MYPN: variants seen among roughly 807,000 people sequenced by gnomAD.
The protein encoded by MYPN is sarcomeric protein myopalladin, 145 kDa (MYOP).
A neutral mutation model predicts 129.4 loss-of-function variants in MYPN; 63 were observed. That is an observed-to-expected ratio of 0.49 (90% CI 0.40 to 0.60). The LOEUF (loss-of-function observed/expected upper bound fraction) is 0.60. Ranked by LOEUF, MYPN falls within the 20% of genes least tolerant of loss-of-function variation. The pLI is 0.00. For missense variants in MYPN, 1,596 were observed against 1,635.4 expected (o/e 0.98, Z 0.42); for synonymous variants, 629 against 600.9 (o/e 1.05, Z -0.68).
rs905473578 is a variant in MYPN, at chr10:68,136,405, C to T, written c.903-6535C>T. ...ATTTGGCGTTCTAAAAACATGCCAC[C>T]GGTCAGGGCATTTCTATGAAAGCAT... On this transcript the variant is annotated intron_variant, in intron 2 of 19. Transcript: ENST00000358913. The T allele has an allele frequency of 8.3e-5, 70 of 847,406 alleles. 2 individuals carry two copies. In the Middle Eastern group the frequency reaches 2.2e-3, roughly 27 times the overall value. The allele number at this position is 847,406 out of a possible 1,614,324, so 52.5% of individuals were successfully genotyped here.
At chr10:68,175,274 C>G in intron 11 of MYPN, 49 bp from the exon 12 acceptor site, 1 of 1,609,908 alleles carries the variant, frequency 6.2e-7, no homozygotes. Context: ...GCCTTTTTAC[C>G]CTGGCCAGTG....
In MYPN at chr10:68,122,154, A is replaced by G. The variant is rs1389921120; in HGVS notation, c.716A>G (p.Glu239Gly). 3 of 1,612,422 alleles carry G rather than the reference A, an allele frequency of 1.9e-6. No individual in the cohort carries two copies. Among genetic ancestry groups the G allele is most frequent in the South Asian group, 1.1e-5 (1 of 90,958 alleles). Residue 239 changes from glutamate (E) to glycine (G), a missense_variant, in exon 2 of 20, where the codon GAG becomes GGG. Transcript: ENST00000358913. Reference sequence around the variant, plus strand: ...CAGGAAGCCAAGAGGCGTGAAGCGGAGCAGGCTGCCAGTGAGGCGGCTGGT... The same window carrying G: ...CAGGAAGCCAAGAGGCGTGAAGCGGGGCAGGCTGCCAGTGAGGCGGCTGGT... ...EQQEAKRREA[E>G]QAASEAAGGD...
At chr10:68,159,259 C>G (rs976456023) in intron 7 of MYPN, among the ~76,000 whole-genome samples, 1 of 152,138 alleles carries the variant, frequency 6.6e-6, no homozygotes, top group Admixed American at 6.5e-5. Flanking sequence ...TAAACTAGGT[C>G]TGCCCCAGTT....
exon 1 of MYPN, among the ~76,000 whole-genome samples, chr10:68,087,926 AG>A (rs2041914642): frequency 6.6e-6 from 1 of 152,166 alleles, no homozygotes; most frequent in Non-Finnish European, 1.5e-5. Context: ...AAGTGAGGTG[AG>A]GGGCTGGGAG....
At chr10:68,168,931 G>A (rs1268356961) in intron 10 of MYPN, among the ~76,000 whole-genome samples, 2 of 145,128 alleles carry the variant, frequency 1.4e-5, no homozygotes, top group African/African-American at 5.3e-5. Flanking sequence ...CACAGAGGTT[G>A]CAGTGAACCA....
chr10:68,089,461 C>T (rs2041921056), intron 1 of MYPN, among the ~76,000 whole-genome samples: 1 of 152,120 alleles, frequency 6.6e-6, no homozygotes, highest in Non-Finnish European at 1.5e-5. Flanking sequence ...CCTGCCTCAG[C>T]CTCCCGAGTA....
At chr10:68,153,819 T>G (rs1225874199) in intron 6 of MYPN, among the ~76,000 whole-genome samples, 1 of 152,230 alleles carries the variant, frequency 6.6e-6, no homozygotes, top group Non-Finnish European at 1.5e-5. Flanking sequence ...GGCTTCTTCC[T>G]GCCCTATTTA....
chr10:68,136,407 G>A (rs1037913243), intron 2 of MYPN: 14 of 878,814 alleles, frequency 1.6e-5, no homozygotes, highest in Middle Eastern at 4.2e-4. Context: ...CATGCCACCG[G>A]TCAGGGCATT....
chr10:68,199,508 G>A lies in MYPN; in HGVS notation c.3426G>A (p.Gly1142=). ...LIDPLTQRDA[G]TYKCIATNKT... ...ACCCACTCACTCAGCGCGACGCAGG[G>A]ACCTATAAGTGCATCGCTACCAACA... The change falls in exon 17 of 20, where the codon GGG becomes GGA. Residue 1142 remains glycine (G), a synonymous_variant. Coordinates refer to ENST00000358913, the MANE Select transcript of MYPN (RefSeq NM_032578.4). The A allele has an allele frequency of 6.2e-7, 1 of 1,614,106 alleles. No homozygotes were observed. Among genetic ancestry groups the A allele is most frequent in the South Asian group, 1.1e-5 (1 of 91,076 alleles).
chr10:68,106,257 T>C (rs2042011469), upstream of MYPN: 1 of 429,122 alleles, frequency 2.3e-6, no homozygotes, highest in African/African-American at 2.1e-5. Flanking sequence ...ATGTTTTTAG[T>C]TTTTAAAACT....
At chr10:68,107,634 AT>A (rs1364703019), upstream of MYPN, among the ~76,000 whole-genome samples, 1 of 151,732 alleles carries the variant, frequency 6.6e-6, no homozygotes, top group African/African-American at 2.4e-5. Flanking sequence ...TACAGGCGTG[AT>A]CCCCCGCGCC....
In MYPN at chr10:68,210,267, T is replaced by C. The variant is rs1448398956; in HGVS notation, c.3794-19T>C. The C allele has an allele frequency of 3.1e-6, 5 of 1,612,600 alleles. No homozygotes were observed. The Admixed American group carries it at 8.3e-5, about 27-fold the overall frequency. ...CTGCATTCCTTTGATCATAACACATTATTTGGTCCATTTTCCAGCTCAGTG... is the reference window on the plus strand; with the variant it reads ...CTGCATTCCTTTGATCATAACACATCATTTGGTCCATTTTCCAGCTCAGTG... On this transcript the variant is annotated intron_variant, in intron 19 of 19. Transcript: ENST00000358913.
Position 68,195,470 on chromosome 10 carries a change from C to T in MYPN, c.3096C>T (p.Gly1032=). ...ANPQGRISCS[G]HLMVQSLPIR... The stretch of plus-strand genomic sequence containing the variant: ...GTCAGGGGAGAATCAGCTGTTCTGG[C>T]CACTTGATGGTACAAAGTTTGCCCA... The change falls in exon 15 of 20, where the codon GGC becomes GGT. Residue 1032 remains glycine, a synonymous_variant. Transcript: ENST00000358913. 3 of 1,613,916 alleles carry T rather than the reference C, an allele frequency of 1.9e-6. No individual in the cohort carries two copies. The highest frequency in any genetic ancestry group is 1.1e-5 in the South Asian group (1 of 91,072).
Position 68,162,787 on chromosome 10 carries a change from T to A in MYPN, c.1483+1035T>A, listed in dbSNP as rs535720934. On this transcript the variant is annotated intron_variant, in intron 8 of 19. Coordinates refer to ENST00000358913, the MANE Select transcript of MYPN (RefSeq NM_032578.4). ...CCTGGCCAACATACATACAACCCCA[T>A]CTCTACTAAATTTACAAAAATTAGC... 4.6e-5 allele frequency among the ~76,000 whole-genome samples: 7 copies of A among 152,174 alleles called. No individual in the cohort carries two copies. The South Asian group carries it at 1.2e-3, about 27-fold the overall frequency.
chr10:68,157,341 C>T (rs1397535171), intron 6 of MYPN, among the ~76,000 whole-genome samples: 1 of 152,164 alleles, frequency 6.6e-6, no homozygotes, highest in East Asian at 1.9e-4. Context: ...ATTTCCAGGA[C>T]TGCAGAATGT....
chr10:68,112,747 T>C (rs2042098894), intron 1 of MYPN, among the ~76,000 whole-genome samples: 1 of 152,240 alleles, frequency 6.6e-6, no homozygotes, highest in Admixed American at 6.5e-5. Context: ...ACTCTGGTAA[T>C]GCAGTATATA....
At chr10:68,125,337 T>C (rs2042308932) in intron 2 of MYPN, among the ~76,000 whole-genome samples, 1 of 152,208 alleles carries the variant, frequency 6.6e-6, no homozygotes, top group Admixed American at 6.5e-5. Context: ...TCCTAACCAC[T>C]GGTTGGATGC....
upstream of MYPN, chr10:68,106,621 G>T: frequency 1.4e-6 from 1 of 703,258 alleles, no homozygotes; most frequent in South Asian, 1.5e-5. Context: ...TTGAAGCTTT[G>T]GTATATGTGA....
chr10:68,143,202 C>T, intron 3 of MYPN, 87 bp downstream of exon 3: 1 of 1,303,518 alleles, frequency 7.7e-7, no homozygotes. Context: ...CCTCCTCTAC[C>T]ATGCGCTCTT....
Sources: allele counts gnomAD v4.1 joint callset (sites outside exome capture counted in the v4.1 genomes callset), GRCh38; gene constraint gnomAD v4.1.1; transcripts MANE v1.5; gene names NCBI Gene and HGNC (gene_info 2026-07-23, HGNC 2026-07-21).